The following IQCN variants were observed in gnomAD, a reference collection of about 807,000 sequenced individuals.
IQCN encodes the protein IQ domain-containing protein N.
IQCN carries 46 observed loss-of-function variants against 64.4 expected under a neutral mutation model. The ratio of observed to expected loss-of-function variants is 0.71; its 90% CI spans 0.56 to 0.91. The LOEUF (loss-of-function observed/expected upper bound fraction) is 0.91. Ranked by LOEUF, IQCN falls within the 40% of genes least tolerant of loss-of-function variation. The probability of loss-of-function intolerance (pLI) is 0.00; values close to 1 mark genes in which losing one functional copy is unlikely to be tolerated. For synonymous variants in IQCN, 733 were observed against 775.6 expected, an observed-to-expected ratio of 0.95 and a Z score of 0.91; for missense variants, 1,753 against 1,857.4, an observed-to-expected ratio of 0.94 and a Z score of 1.03.
In IQCN at chr19:18,266,210, C is replaced by T; in HGVS notation, c.1330G>A (p.Val444Ile). ...LASIMKSLPQ[V>I]CPGPAMAKTP... Reference sequence around the variant, plus strand: ...TTTGCCATCGCAGGCCCCGGGCATACCTGGGGCAGGCTCTTCATGATGGAA... The same window carrying T: ...TTTGCCATCGCAGGCCCCGGGCATATCTGGGGCAGGCTCTTCATGATGGAA... The change falls in exon 3 of 4, where the codon GTA becomes ATA. Residue 444 changes from valine to isoleucine, a missense_variant. Transcript: ENST00000392413. The surrounding 1 kb of genome is among the most constrained non-coding windows in gnomAD (Gnocchi z 4.3). The T allele has an allele frequency of 1.2e-6, 2 of 1,613,818 alleles. No homozygotes were observed. Among genetic ancestry groups the T allele is most frequent in the South Asian group, 2.2e-5 (2 of 91,066 alleles).
chr19:18,267,372 G>A lies in IQCN; in HGVS notation c.168C>T (p.His56=), dbSNP rs767132887. ...KMEKAPPQPQ[H]EGLKSKEHLP... ...GATGCTCCTTGGACTTGAGGCCCTC[G>A]TGCTGGGGCTGTGGAGGCGCTTTCT... The change falls in exon 3 of 4, where the codon CAC becomes CAT. Residue 56 remains histidine, a synonymous_variant. Transcript: ENST00000392413. 3.7e-6 allele frequency: 6 copies of A among 1,611,306 alleles called. No individual in the cohort carries two copies. The highest frequency in any genetic ancestry group is 4.5e-5 in the East Asian group (2 of 44,824).
rs8110972 is a variant in IQCN at position 18,265,597 on chromosome 19, T to A, written c.1943A>T (p.Tyr648Phe). Residue 648 changes from tyrosine (Y) to phenylalanine (F), a missense_variant, in exon 3 of 4, where the codon TAT (tyrosine) becomes TTT (phenylalanine). Physicochemically the swap from Tyr to Phe is conservative, Grantham distance 22. Coordinates refer to ENST00000392413, the MANE Select transcript of IQCN (RefSeq NM_001145304.2). This position sits in a 1 kb window ranked among gnomAD's most constrained non-coding sequence, Gnocchi z 4.7. ...AEEGDKPPHVYVPVDMAVTLP... is the reference protein window; with the variant it reads ...AEEGDKPPHVFVPVDMAVTLP... ...GGTGACAGCCATGTCTACAGGCACA[T>A]ACACGTGAGGTGGCTTGTCCCCTTC... 723,764 of 1,613,062 alleles carry A rather than the reference T, an allele frequency of 0.45. 166,416 individuals are homozygous for A. Among genetic ancestry groups the A allele is most frequent in the African/African-American group, 0.68 (50,790 of 74,934 alleles).
At position 18,266,011 on chromosome 19, in the gene IQCN, G is replaced by A. The variant is rs367828063; in HGVS notation, c.1529C>T (p.Ser510Leu). 81 of 1,614,036 alleles carry A rather than the reference G, an allele frequency of 5.0e-5. No homozygotes were observed. In the African/African-American group the frequency reaches 8.1e-4, roughly 16 times the overall value. Residue 510 changes from serine to leucine, a missense_variant, in exon 3 of 4, where the codon TCG (serine) becomes TTG (leucine). Coordinates refer to ENST00000392413, the MANE Select transcript of IQCN (RefSeq NM_001145304.2). The surrounding 1 kb of genome is among the most constrained non-coding windows in gnomAD (Gnocchi z 4.3). ...CAGAGTCTTGAGGATGGTGGCCACC[G>A]AGCGTAACTGGGCTGGGGTCTTGGT... ...MITKTPAQLR[S>L]VATILKTLCL...
Position 18,264,997 on chromosome 19 carries a change from G to T in IQCN, c.2543C>A (p.Ser848Tyr). The change falls in exon 3 of 4, where the codon TCC becomes TAC. Residue 848 changes from serine (S) to tyrosine (Y), a missense_variant. Coordinates refer to ENST00000392413, the MANE Select transcript of IQCN (RefSeq NM_001145304.2). This position sits in a 1 kb window ranked among gnomAD's most constrained non-coding sequence, Gnocchi z 4.3. ...ACGTGTGGCTCCGTTGTCTCCCCAG[G>T]ACTCAACGTTGCATGTGGAATGGCC... ...PTGHSTCNVESWGDNGATRAQ... is the reference protein window; with the variant it reads ...PTGHSTCNVEYWGDNGATRAQ... The T allele has an allele frequency of 4.4e-6, 7 of 1,605,826 alleles. No individual in the cohort carries two copies. Among genetic ancestry groups the T allele is most frequent in the Non-Finnish European group, 5.9e-6 (7 of 1,179,854 alleles).
rs1473611787 is a variant in IQCN at position 18,266,198 on chromosome 19, G to T, written c.1342C>A (p.Pro448Thr). The T allele has an allele frequency of 6.2e-7, 1 of 1,613,962 alleles. No homozygotes were observed. The highest frequency in any genetic ancestry group is 2.2e-5 in the East Asian group (1 of 44,868). The stretch of plus-strand genomic sequence containing the variant: ...TGGGGTGGGGTCTTTGCCATCGCAG[G>T]CCCCGGGCATACCTGGGGCAGGCTC... ...MKSLPQVCPG[P>T]AMAKTPPQMH... is the part of the protein sequence containing the mutation. Residue 448 changes from proline to threonine, a missense_variant, in exon 3 of 4, where the codon CCT becomes ACT. Pro to Thr is a conservative substitution (Grantham distance 38, BLOSUM62 -1). Coordinates refer to ENST00000392413, the MANE Select transcript of IQCN (RefSeq NM_001145304.2). This position sits in a 1 kb window ranked among gnomAD's most constrained non-coding sequence, Gnocchi z 4.3.
Position 18,266,908 on chromosome 19 carries a change from A to G in IQCN, c.632T>C (p.Leu211Pro), listed in dbSNP as rs748016689. ...GGTACCCTGAGCTGCTGGGGGCTGC[A>G]GGAGGGGGGACGACTGGGGTCTGCA... ...VLCRPQSSPL[L>P]QPPAAQGTPE... is the part of the protein sequence containing the mutation. Residue 211 changes from leucine (L) to proline (P), a missense_variant, in exon 3 of 4, where the codon CTG becomes CCG. Leu to Pro is a moderately conservative substitution (Grantham distance 98). Transcript: ENST00000392413. This position sits in a 1 kb window ranked among gnomAD's most constrained non-coding sequence, Gnocchi z 4.3. 3.1e-6 allele frequency: 5 copies of G among 1,607,310 alleles called. No individual in the cohort carries two copies. Among genetic ancestry groups the G allele is most frequent in the Non-Finnish European group, 3.4e-6 (4 of 1,175,530 alleles).
rs772352780 is a variant in IQCN, at chr19:18,265,190, CGTG to C, written c.2347_2349del (p.His783del). ...CTGAGGCCACCGAGGCGCTGGCAGGCGTGGTTGGACACCTTGGACCCTGTTAGG... is the reference window on the plus strand; with the variant it reads ...CTGAGGCCACCGAGGCGCTGGCAGGCGTTGGACACCTTGGACCCTGTTAGG... On this transcript the variant is annotated inframe_deletion, in exon 3 of 4. Coordinates refer to ENST00000392413, the MANE Select transcript of IQCN (RefSeq NM_001145304.2). This position sits in a 1 kb window ranked among gnomAD's most constrained non-coding sequence, Gnocchi z 4.7. The C allele has an allele frequency of 6.2e-7, 1 of 1,610,522 alleles. No homozygotes were observed. The highest frequency in any genetic ancestry group is 2.2e-5 in the East Asian group (1 of 44,882).
intron 1 of IQCN, among the ~76,000 whole-genome samples, chr19:18,272,028 T>C (rs1023676294): frequency 2.0e-5 from 3 of 152,244 alleles, no homozygotes. Flanking sequence ...GGTTTCACCA[T>C]GTTGGCCAGG....
Position 18,257,814 on chromosome 19 carries a change from G to T in IQCN, c.3470C>A (p.Ala1157Glu). 8 of 1,610,938 alleles carry T rather than the reference G, an allele frequency of 5.0e-6. No individual in the cohort carries two copies. Among genetic ancestry groups the T allele is most frequent in the Non-Finnish European group, 6.8e-6 (8 of 1,179,508 alleles). Reference sequence around the variant, plus strand: ...GGTCGTGGTGGCTCTGCAGAGGTGTGCCAGGTTCCGCCGCACACGGTAGCC... The same window carrying T: ...GGTCGTGGTGGCTCTGCAGAGGTGTTCCAGGTTCCGCCGCACACGGTAGCC... ...WRGYRVRRNL[A>E]HLCRATTTIQ... Residue 1157 changes from alanine (A) to glutamate (E), a missense_variant, in exon 4 of 4, where the codon GCA (alanine) becomes GAA (glutamate). Physicochemically the swap from Ala to Glu is moderately radical, Grantham distance 107. Coordinates refer to ENST00000392413, the MANE Select transcript of IQCN (RefSeq NM_001145304.2).
At position 18,266,584 on chromosome 19, in the gene IQCN, T is replaced by A; in HGVS notation, c.956A>T (p.Lys319Ile). Residue 319 changes from lysine to isoleucine, a missense_variant, in exon 3 of 4, where the codon AAA (lysine) becomes ATA (isoleucine). Transcript: ENST00000392413. The surrounding 1 kb of genome is among the most constrained non-coding windows in gnomAD (Gnocchi z 4.3). ...GAAGGGGGCTTTGGGGGTCTCTGCT[T>A]TCACAGGGCCCTGGGTTTGGGCTCT... is the stretch of plus-strand genomic sequence containing the variant. ...PSRAQTQGPVKAETPKAPFQI... is the reference protein window; with the variant it reads ...PSRAQTQGPVIAETPKAPFQI... The A allele has an allele frequency of 6.2e-7, 1 of 1,613,476 alleles. No individual in the cohort carries two copies. The highest frequency in any genetic ancestry group is 8.5e-7 in the Non-Finnish European group (1 of 1,179,648).
Position 18,264,335 on chromosome 19 carries a change from C to G in IQCN, c.3177+28G>C. On this transcript the variant is annotated intron_variant, in intron 3 of 3. Transcript: ENST00000392413. This position sits in a 1 kb window ranked among gnomAD's most constrained non-coding sequence, Gnocchi z 4.3. Reference sequence around the variant, plus strand: ...GCAGGTTGGCCCATGGTGAAACAACCCCAGATCCCAACCTGGGAATCCCTG... The same window carrying G: ...GCAGGTTGGCCCATGGTGAAACAACGCCAGATCCCAACCTGGGAATCCCTG... The G allele has an allele frequency of 6.9e-7, 1 of 1,448,334 alleles. No individual in the cohort carries two copies. Among genetic ancestry groups the G allele is most frequent in the Non-Finnish European group, 9.1e-7 (1 of 1,102,300 alleles). 89.7% of individuals were successfully genotyped at this position (1,448,334 alleles called of 1,614,324 possible). A position where few individuals can be genotyped will look rare whatever the true frequency, so the allele number is the denominator to read the frequency against.
At chr19:18,274,126 T>C (rs1001194309) in intron 1 of IQCN, among the ~76,000 whole-genome samples, 3 of 151,990 alleles carry the variant, frequency 2.0e-5, no homozygotes, top group Admixed American at 1.3e-4. Context: ...TAAAGAGACA[T>C]AACAGGCTCT....
In IQCN at chr19:18,266,000, T is replaced by C. The variant is rs745995627; in HGVS notation, c.1540A>G (p.Ile514Val). 1 of 1,614,058 alleles carries C rather than the reference T, an allele frequency of 6.2e-7. No homozygotes were observed. Among genetic ancestry groups the C allele is most frequent in the Non-Finnish European group, 8.5e-7 (1 of 1,179,954 alleles). Reference sequence around the variant, plus strand: ...GAGGCCAGACACAGAGTCTTGAGGATGGTGGCCACCGAGCGTAACTGGGCT... The same window carrying C: ...GAGGCCAGACACAGAGTCTTGAGGACGGTGGCCACCGAGCGTAACTGGGCT... ...TPAQLRSVATILKTLCLASPT... is the reference protein window; with the variant it reads ...TPAQLRSVATVLKTLCLASPT... The change falls in exon 3 of 4, where the codon ATC (isoleucine) becomes GTC (valine). Residue 514 changes from isoleucine (I) to valine (V), a missense_variant. Physicochemically the swap from Ile to Val is conservative, Grantham distance 29 (BLOSUM62 3). Coordinates refer to ENST00000392413, the MANE Select transcript of IQCN (RefSeq NM_001145304.2). The surrounding 1 kb of genome is among the most constrained non-coding windows in gnomAD (Gnocchi z 4.7).
Position 18,271,171 on chromosome 19 carries a change from C to CAA in IQCN, c.-109-1586_-109-1585dup, listed in dbSNP as rs1278569737. 3.0e-4 allele frequency among the ~76,000 whole-genome samples: 25 copies of CAA among 82,398 alleles called. No individual in the cohort carries two copies. In the South Asian group the frequency reaches 3.8e-3, roughly 12 times the overall value. 54.1% of individuals were successfully genotyped at this position (82,398 alleles called of 152,430 possible). On this transcript the variant is annotated intron_variant, in intron 1 of 3. Coordinates refer to ENST00000392413, the MANE Select transcript of IQCN (RefSeq NM_001145304.2). The stretch of plus-strand genomic sequence containing the variant: ...TGGGCGACAGAGTGAGACTCTGTCT[C>CAA]AAAAAAAAAAAAAAAAAACCAGGCG...
In IQCN at chr19:18,266,369, C is replaced by G. The variant is rs374925120; in HGVS notation, c.1171G>C (p.Ala391Pro). The G allele has an allele frequency of 1.9e-6, 3 of 1,607,210 alleles. No individual in the cohort carries two copies. The African/African-American group carries it at 4.0e-5, about 22-fold the overall frequency. The change falls in exon 3 of 4, where the codon GCA (alanine) becomes CCA (proline). Residue 391 changes from alanine to proline, a missense_variant. Ala to Pro is a conservative substitution (Grantham distance 27, BLOSUM62 -1). Coordinates refer to ENST00000392413, the MANE Select transcript of IQCN (RefSeq NM_001145304.2). This position sits in a 1 kb window ranked among gnomAD's most constrained non-coding sequence, Gnocchi z 4.3. Reference sequence around the variant, plus strand: ...GTGGGCATGGGGCATGTGTGAGGTGCAGTTTTGGTCACTGTGGGCCCCGGA... The same window carrying G: ...GTGGGCATGGGGCATGTGTGAGGTGGAGTTTTGGTCACTGTGGGCCCCGGA... ...MYPGPTVTKT[A>P]PHTCPMPTMT...
At chr19:18,258,458 C>T in intron 3 of IQCN, 1 of 540,038 alleles carries the variant, frequency 1.9e-6, no homozygotes, top group South Asian at 1.5e-5. Context: ...TCCTACCATG[C>T]ACGGATCTGT....
rs531324265 is a variant in IQCN, at chr19:18,258,284, C to T, written c.3178-178G>A. On this transcript the variant is annotated intron_variant, in intron 3 of 3. Coordinates refer to ENST00000392413, the MANE Select transcript of IQCN (RefSeq NM_001145304.2). ...CTCCCGGGGCCAGCGGAGGAATGAC[C>T]GAGGAGTGTGTCATCTCCCCAGTGC... 6.3e-4 allele frequency: 468 copies of T among 742,982 alleles called. 7 individuals are homozygous for T. The South Asian group carries it at 6.7e-3, about 11-fold the overall frequency. 46.0% of individuals were successfully genotyped at this position (742,982 alleles called of 1,614,324 possible). A position where few individuals can be genotyped will look rare whatever the true frequency, so the allele number is the denominator to read the frequency against.
In IQCN at chr19:18,266,142, GT is replaced by G. The variant is rs780111224; in HGVS notation, c.1397del (p.Asn466ThrfsTer23). 3 of 1,614,172 alleles carry G rather than the reference GT, an allele frequency of 1.9e-6. No homozygotes were observed. In the South Asian group the frequency reaches 3.3e-5, roughly 18 times the overall value. On this transcript the variant is annotated frameshift_variant, in exon 3 of 4. Coordinates refer to ENST00000392413, the MANE Select transcript of IQCN (RefSeq NM_001145304.2). LOFTEE classifies it high-confidence loss of function. This position sits in a 1 kb window ranked among gnomAD's most constrained non-coding sequence, Gnocchi z 4.3. ...QMHPVTTPAK[N>X]PLQTCLSATM... is the part of the protein sequence containing the mutation. ...TGGCTGACAGACATGTTTGCAATGG[GT>G]TTTTGGCTGGGGTGGTGACCGGGTG... is the stretch of plus-strand genomic sequence containing the variant.
At position 18,257,323 on chromosome 19, in the gene IQCN, T is replaced by C. The variant is rs535911820; in HGVS notation, c.3961A>G (p.Arg1321Gly). ...ATCTTCGCTGCCATTTGCTGCTGCCTCATCTGCTGGCGGATCTTAAAGCCC... is the reference window on the plus strand; with the variant it reads ...ATCTTCGCTGCCATTTGCTGCTGCCCCATCTGCTGGCGGATCTTAAAGCCC... ...WRGFKIRQQMRQQQMAAKIVQ... is the reference protein window; with the variant it reads ...WRGFKIRQQMGQQQMAAKIVQ... The change falls in exon 4 of 4, where the codon AGG (arginine) becomes GGG (glycine). Residue 1321 changes from arginine (R) to glycine (G), a missense_variant. By Grantham distance (125) the Arg-to-Gly change is moderately radical. Coordinates refer to ENST00000392413, the MANE Select transcript of IQCN (RefSeq NM_001145304.2). 8.1e-6 allele frequency: 13 copies of C among 1,613,336 alleles called. No homozygotes were observed. In the Admixed American group the frequency reaches 1.8e-4, roughly 23 times the overall value.
Sources: gnomAD v4.1 joint callset for allele counts (sites outside exome capture counted in the v4.1 genomes callset) on GRCh38, gnomAD v4.1.1 for gene constraint, Gnocchi (gnomAD v3.1) non-coding constraint, MANE v1.5 for transcripts, NCBI Gene and HGNC (gene_info 2026-07-23, HGNC 2026-07-21) for gene names.